RIMBP2: variants seen among roughly 807,000 people sequenced by gnomAD.
RIMBP2 encodes the protein RIMS binding protein 2, also known as RIMS-binding protein 2.
A neutral mutation model predicts 118.6 loss-of-function variants in RIMBP2; 48 were observed. The observed-to-expected ratio is 0.40, with a 90% CI of 0.32 to 0.51. RIMBP2 has a LOEUF of 0.51. Among genes scored for constraint, RIMBP2 ranks in the 20% least tolerant of loss-of-function variants. The probability of loss-of-function intolerance (pLI) is 0.41; values close to 1 mark genes in which losing one functional copy is unlikely to be tolerated. For synonymous variants in RIMBP2, 762 were observed against 742.9 expected, an observed-to-expected ratio of 1.03 and a Z score of -0.42; for missense variants, 1,551 against 1,768.3, an observed-to-expected ratio of 0.88 and a Z score of 2.20.
intron 7 of RIMBP2, among the ~76,000 whole-genome samples, chr12:130,453,823 G>A (rs2079196054): frequency 6.6e-6 from 1 of 152,182 alleles, no homozygotes; most frequent in Non-Finnish European, 1.5e-5. Context: ...GGAGACCGAG[G>A]CAGGTAGATC....
intron 6 of RIMBP2, among the ~76,000 whole-genome samples, chr12:130,459,879 A>G (rs76488926): frequency 1.3e-5 from 2 of 152,176 alleles, no homozygotes; most frequent in Non-Finnish European, 1.5e-5. Flanking sequence ...CCTGTGTCCT[A>G]TGGGGGCCAT....
At chr12:130,631,980 A>G (rs2062019911) in intron 1 of RIMBP2, among the ~76,000 whole-genome samples, 1 of 152,254 alleles carries the variant, frequency 6.6e-6, no homozygotes, top group South Asian at 2.1e-4. Flanking sequence ...ACATTAACTT[A>G]CTTGATATGC....
intron 1 of RIMBP2, among the ~76,000 whole-genome samples, chr12:130,672,943 T>C (rs1353544272): frequency 6.6e-6 from 1 of 152,206 alleles, no homozygotes; most frequent in African/African-American, 2.4e-5. Context: ...CCAAATTCCT[T>C]CATTCCTCAG....
At chr12:130,618,645 G>T (rs1446245300) in intron 2 of RIMBP2, among the ~76,000 whole-genome samples, 1 of 152,176 alleles carries the variant, frequency 6.6e-6, no homozygotes, top group Non-Finnish European at 1.5e-5. Context: ...CAAGCATCCT[G>T]AAGGCAGGTG....
chr12:130,597,317 C>A (rs1211278377), intron 2 of RIMBP2, among the ~76,000 whole-genome samples: 1 of 152,224 alleles, frequency 6.6e-6, no homozygotes, highest in Non-Finnish European at 1.5e-5. Flanking sequence ...GATCTCTGCT[C>A]ACTGCAACCT....
chr12:130,528,842 C>T (rs1485428230), intron 2 of RIMBP2, among the ~76,000 whole-genome samples: 1 of 152,190 alleles, frequency 6.6e-6, no homozygotes, highest in Non-Finnish European at 1.5e-5. Flanking sequence ...TGGGAACCCT[C>T]ATATATTTCC....
chr12:130,645,577 T>C (rs1208679360), intron 1 of RIMBP2, among the ~76,000 whole-genome samples: 2 of 152,206 alleles, frequency 1.3e-5, no homozygotes, highest in Non-Finnish European at 2.9e-5. Flanking sequence ...GAGAAAGTCA[T>C]GCCCTCTCCC....
chr12:130,468,722 GTAACCGAAT>G (rs2080738151), intron 6 of RIMBP2, among the ~76,000 whole-genome samples: 1 of 152,186 alleles, frequency 6.6e-6, no homozygotes, highest in African/African-American at 2.4e-5. Flanking sequence ...CTGATGACCA[GTAACCGAAT>G]TAACCGAATT....
chr12:130,404,563 G>A (rs568210440), intron 21 of RIMBP2, among the ~76,000 whole-genome samples: 35 of 152,294 alleles, frequency 2.3e-4, no homozygotes, highest in Admixed American at 6.5e-5. Context: ...GCCTCCGCAT[G>A]AGTCACCGTG....
rs1037277735 is a variant in RIMBP2, at chr12:130,406,967, G to A, written c.3694-724C>T. Among the ~76,000 whole-genome samples, 2 of 152,146 alleles carry A rather than the reference G, an allele frequency of 1.3e-5. 1 individual carries two copies. Among genetic ancestry groups the A allele is most frequent in the Admixed American group, 1.3e-4 (2 of 15,280 alleles). ...AAACATCTCTTTATTCAGTGTCTACGATGGGCCGGGCTGCAGCCCCAAAGC... is the reference window on the plus strand; with the variant it reads ...AAACATCTCTTTATTCAGTGTCTACAATGGGCCGGGCTGCAGCCCCAAAGC... On this transcript the variant is annotated intron_variant, in intron 20 of 22. Coordinates refer to ENST00000690449, the MANE Select transcript of RIMBP2 (RefSeq NM_001393629.1).
At chr12:130,482,096 G>A (rs1310262338) in intron 4 of RIMBP2, among the ~76,000 whole-genome samples, 2 of 152,112 alleles carry the variant, frequency 1.3e-5, no homozygotes, top group Non-Finnish European at 2.9e-5. Context: ...AGACGCTTTG[G>A]GAACTCTTCT....
At chr12:130,676,030 G>A (rs1220905687) in intron 1 of RIMBP2, among the ~76,000 whole-genome samples, 11 of 152,224 alleles carry the variant, frequency 7.2e-5, no homozygotes, top group African/African-American at 1.9e-4. Flanking sequence ...CTGCCACCGC[G>A]TGAGGACACA....
intron 7 of RIMBP2, among the ~76,000 whole-genome samples, chr12:130,454,944 C>T (rs1304972906): frequency 2.0e-5 from 3 of 152,202 alleles, no homozygotes; most frequent in African/African-American, 7.2e-5. Context: ...ATGGAAACAT[C>T]CCCTGACTGA....
At chr12:130,464,824 G>A (rs1222063044) in intron 6 of RIMBP2, among the ~76,000 whole-genome samples, 3 of 152,178 alleles carry the variant, frequency 2.0e-5, no homozygotes, top group Non-Finnish European at 4.4e-5. Context: ...ACACTCACTG[G>A]CCCAGGGGTC....
rs1365371621 is a variant in RIMBP2, at chr12:130,475,576, C to T, written c.102+3336G>A. Among the ~76,000 whole-genome samples the T allele has an allele frequency of 3.3e-5, 5 of 152,002 alleles. No homozygotes were observed. ...CGCAGACGGTGGGGAGGGGCATTTC[C>T]AGGACCTGGACTGAAGGAAGAGGCC... On this transcript the variant is annotated intron_variant, in intron 5 of 22. Coordinates refer to ENST00000690449, the MANE Select transcript of RIMBP2 (RefSeq NM_001393629.1). This position sits in a 1 kb window ranked among gnomAD's most constrained non-coding sequence, Gnocchi z 4.1.
At chr12:130,432,878 G>C (rs972754479) in intron 14 of RIMBP2, among the ~76,000 whole-genome samples, 2 of 152,120 alleles carry the variant, frequency 1.3e-5, no homozygotes, top group African/African-American at 4.8e-5. Flanking sequence ...CTCACCCAGG[G>C]CCCAGCACCA....
intron 1 of RIMBP2, among the ~76,000 whole-genome samples, chr12:130,692,212 A>T (rs2065339146): frequency 6.6e-6 from 1 of 152,096 alleles, no homozygotes; most frequent in South Asian, 2.1e-4. Flanking sequence ...AGTGGGACAG[A>T]AGGAGAGTCC....
intron 1 of RIMBP2, among the ~76,000 whole-genome samples, chr12:130,641,728 G>A (rs1294588556): frequency 3.9e-5 from 6 of 152,140 alleles, no homozygotes; most frequent in African/African-American, 1.2e-4. Context: ...AGCACTCCGG[G>A]AAAATGAGTC....
At chr12:130,613,943 A>C (rs1205472496) in intron 2 of RIMBP2, among the ~76,000 whole-genome samples, 1 of 152,126 alleles carries the variant, frequency 6.6e-6, no homozygotes, top group Non-Finnish European at 1.5e-5. Context: ...CAATGACAGC[A>C]GAGAGGGAGG....
Sources: allele counts gnomAD v4.1 joint callset (sites outside exome capture counted in the v4.1 genomes callset), GRCh38; gene constraint gnomAD v4.1.1; non-coding constraint Gnocchi (gnomAD v3.1); transcripts MANE v1.5; gene names NCBI Gene and HGNC (gene_info 2026-07-23, HGNC 2026-07-21).